CEP44: variants seen among roughly 807,000 people sequenced by gnomAD.
CEP44 encodes the protein centrosomal protein 44, also known as centrosomal protein of 44 kDa.
Under a neutral mutation model 46.7 loss-of-function variants are expected in CEP44, and 45 were observed. The ratio of observed to expected loss-of-function variants is 0.96; its 90% CI spans 0.76 to 1.24. CEP44 has a LOEUF of 1.24. Among genes scored for constraint, CEP44 ranks in the 50% most tolerant of loss-of-function variants. The pLI, the probability that CEP44 is intolerant of heterozygous loss-of-function variation, is 0.00. For missense variants in CEP44, 475 were observed against 459.7 expected, an observed-to-expected ratio of 1.03 and a Z score of -0.30; for synonymous variants, 142 against 146.0, an observed-to-expected ratio of 0.97 and a Z score of 0.20.
Position 174,287,518 on chromosome 4 carries a change from A to G in CEP44, c.-148+3575A>G, listed in dbSNP as rs1346138617. Among the ~76,000 whole-genome samples the G allele has an allele frequency of 2.6e-5, 4 of 152,202 alleles. No homozygotes were observed. Among genetic ancestry groups the G allele is most frequent in the Admixed American group, 1.3e-4 (2 of 15,276 alleles). On this transcript the variant is annotated intron_variant, in intron 1 of 11. Transcript: ENST00000503780. This position sits in a 1 kb window ranked among gnomAD's most constrained non-coding sequence, Gnocchi z 5.1. ...TGTTGAACAGCTTGAGATATCACCA[A>G]ACATCCTTATCCAGGTCCAGGAACT...
chr4:174,284,506 A>G (rs1737338549), intron 1 of CEP44, among the ~76,000 whole-genome samples: 1 of 152,148 alleles, frequency 6.6e-6, no homozygotes, highest in Non-Finnish European at 1.5e-5. Flanking sequence ...AGCTTTTCAA[A>G]TATTTCTCCA....
chr4:174,321,907 A>G (rs1742344690), downstream of CEP44, among the ~76,000 whole-genome samples: 1 of 152,158 alleles, frequency 6.6e-6, no homozygotes, highest in Admixed American at 6.6e-5. Flanking sequence ...GAGGAGAGGA[A>G]AACAGAAACC....
chr4:174,315,717 T>A (rs1442560173), intron 9 of CEP44, among the ~76,000 whole-genome samples: 2 of 151,786 alleles, frequency 1.3e-5, no homozygotes, highest in Non-Finnish European at 2.9e-5. Flanking sequence ...AGCTGGCGCC[T>A]GTAGTCCCAG....
Position 174,318,763 on chromosome 4 carries a change from A to G in CEP44, c.*1380A>G. 1.3e-6 allele frequency: 1 copy of G among 786,154 alleles called. No individual in the cohort carries two copies. Among genetic ancestry groups the G allele is most frequent in the Non-Finnish European group, 1.5e-6 (1 of 649,510 alleles). 48.7% of individuals were successfully genotyped at this position (786,154 alleles called of 1,614,324 possible). ...TTTTTTGTGTTTGTGAATTTGAAAC[A>G]GTGTAAGAAATCACTTTTAAGAAAA... On this transcript the variant is annotated 3_prime_UTR_variant, in exon 12 of 12. Coordinates refer to ENST00000503780, the MANE Select transcript of CEP44 (RefSeq NM_001040157.3).
rs1474994428 is a variant in CEP44, at chr4:174,326,520, C to G, written c.1087-4962C>G. On this transcript the variant is annotated intron_variant, in intron 8 of 8. Coordinates refer to the CEP44 transcript ENST00000426172. This position sits in a 1 kb window ranked among gnomAD's most constrained non-coding sequence, Gnocchi z 4.8. ...TATCATTACTTTTGCTATAAGCAAT[C>G]CATTATCTTTTTAAAAGGTTTAAAT... Among the ~76,000 whole-genome samples, 1 of 151,968 alleles carries G rather than the reference C, an allele frequency of 6.6e-6. No homozygotes were observed. Among genetic ancestry groups the G allele is most frequent in the Non-Finnish European group, 1.5e-5 (1 of 67,952 alleles).
chr4:174,312,538 A>G lies in CEP44; in HGVS notation c.961+1680A>G, dbSNP rs2126646487. On this transcript the variant is annotated intron_variant, in intron 9 of 11. Transcript: ENST00000503780. The surrounding 1 kb of genome is among the most constrained non-coding windows in gnomAD (Gnocchi z 4.5). ...AGGCTGGTCTTGAACTCCTGGGCTC[A>G]AGCAATCCTCCCATCTCTGCTTCTC... is the stretch of plus-strand genomic sequence containing the variant. Among the ~76,000 whole-genome samples the G allele has an allele frequency of 6.6e-6, 1 of 152,260 alleles. No homozygotes were observed. Among genetic ancestry groups the G allele is most frequent in the African/African-American group, 2.4e-5 (1 of 41,550 alleles).
In CEP44 at chr4:174,317,584, T is replaced by A. The variant is rs1741883752; in HGVS notation, c.*201T>A. ...AATGATTATACTGCTTTACCTTGTG[T>A]CACTTTTTTTTTTTTTAGGAAAAAC... On this transcript the variant is annotated 3_prime_UTR_variant, in exon 12 of 12. Coordinates refer to ENST00000503780, the MANE Select transcript of CEP44 (RefSeq NM_001040157.3). 7.9e-6 allele frequency: 9 copies of A among 1,138,732 alleles called. No homozygotes were observed. The South Asian group carries it at 3.9e-4, about 49-fold the overall frequency. 70.5% of individuals were successfully genotyped at this position (1,138,732 alleles called of 1,614,324 possible).
Position 174,314,824 on chromosome 4 carries a change from A to G in CEP44, c.962-1342A>G, listed in dbSNP as rs1741474662. ...GGGTTTAGGTAGTCTTCAGAATTAC[A>G]CCCTGTAATCTTGACCTCCAGGCTT... On this transcript the variant is annotated intron_variant, in intron 9 of 11. Coordinates refer to ENST00000503780, the MANE Select transcript of CEP44 (RefSeq NM_001040157.3). This position sits in a 1 kb window ranked among gnomAD's most constrained non-coding sequence, Gnocchi z 4.1. Among the ~76,000 whole-genome samples the G allele has an allele frequency of 6.6e-6, 1 of 152,214 alleles. No individual in the cohort carries two copies. Among genetic ancestry groups the G allele is most frequent in the Admixed American group, 6.5e-5 (1 of 15,278 alleles).
chr4:174,294,119 T>C (rs1340663501), intron 1 of CEP44, among the ~76,000 whole-genome samples: 1 of 150,026 alleles, frequency 6.7e-6, no homozygotes, highest in African/African-American at 2.5e-5. Context: ...CATAGGACAA[T>C]AGTGGAGGGA....
chr4:174,296,347 G>A (rs1030202162), intron 1 of CEP44, among the ~76,000 whole-genome samples: 9 of 152,086 alleles, frequency 5.9e-5, no homozygotes, highest in Middle Eastern at 3.2e-3. Context: ...CTTAAGAGGT[G>A]TTTTTGTATT....
intron 1 of CEP44, among the ~76,000 whole-genome samples, chr4:174,291,787 CTTT>C (rs56201469): frequency 1.1e-4 from 5 of 46,394 alleles, no homozygotes; most frequent in Non-Finnish European, 1.5e-4. Context: ...TTTTTCTTTT[CTTT>C]TTTTTTTTTT....
chr4:174,320,704 A>ATGTGTGTGTGTG (rs796604982), downstream of CEP44, among the ~76,000 whole-genome samples: 1 of 125,330 alleles, frequency 8.0e-6, no homozygotes, highest in Non-Finnish European at 1.8e-5. Context: ...GTGTGTGTGT[A>ATGTGTGTGTGTG]TGTGTGTGTG....
In CEP44 at chr4:174,290,779, T is replaced by C. The variant is rs557100528; in HGVS notation, c.-148+6836T>C. On this transcript the variant is annotated intron_variant, in intron 1 of 11. Coordinates refer to ENST00000503780, the MANE Select transcript of CEP44 (RefSeq NM_001040157.3). This position sits in a 1 kb window ranked among gnomAD's most constrained non-coding sequence, Gnocchi z 4.3. ...TCCTTCTATATTGTATCGATATCTA[T>C]TTCTTCCTTCAAATCTGTCAATGTT... 1.3e-5 allele frequency among the ~76,000 whole-genome samples: 2 copies of C among 152,342 alleles called. No individual in the cohort carries two copies. The highest frequency in any genetic ancestry group is 3.9e-4 in the East Asian group (2 of 5,192).
At position 174,331,513 on chromosome 4, in the gene CEP44, G is replaced by T. The variant is rs1560929306; in HGVS notation, c.1118G>T (p.Cys373Phe). ...CCTGCATGGAGTGCTACATCCTCTT[G>T]TTCCAGTCTCAGCTGGCTGCTCCGT... The change falls in exon 9 of 9, where the codon TGT becomes TTT. Residue 373 changes from cysteine (C) to phenylalanine (F), a missense_variant. Transcript: ENST00000426172. This position sits in a 1 kb window ranked among gnomAD's most constrained non-coding sequence, Gnocchi z 4.5. 3.9e-6 allele frequency: 6 copies of T among 1,551,546 alleles called. No individual in the cohort carries two copies. Among genetic ancestry groups the T allele is most frequent in the Non-Finnish European group, 5.2e-6 (6 of 1,146,928 alleles).
Position 174,318,803 on chromosome 4 carries a change from C to CTTT in CEP44, c.*1421_*1423dup. 1 of 697,046 alleles carries CTTT rather than the reference C, an allele frequency of 1.4e-6. No individual in the cohort carries two copies. Among genetic ancestry groups the CTTT allele is most frequent in the Non-Finnish European group, 1.8e-6 (1 of 570,492 alleles). The allele number at this position is 697,046 out of a possible 1,614,324, so 43.2% of individuals were successfully genotyped here. ...TTTTAAGAAAACATTTTTAGAATTCCTTTGTTTTTTTTTTTTTTCTTTTTG... is the reference window on the plus strand; with the variant it reads ...TTTTAAGAAAACATTTTTAGAATTCCTTTTTTGTTTTTTTTTTTTTTCTTTTTG... On this transcript the variant is annotated 3_prime_UTR_variant, in exon 12 of 12. Coordinates refer to ENST00000503780, the MANE Select transcript of CEP44 (RefSeq NM_001040157.3).
In CEP44 at chr4:174,301,562, A is replaced by G. The variant is rs1739714232; in HGVS notation, c.90-477A>G. ...TAAGTGAAAAGTAATAGACTGGTCA[A>G]CCAAGTCACAGTTCATGCTTTTTCC... On this transcript the variant is annotated intron_variant, in intron 3 of 11. Transcript: ENST00000503780. This position sits in a 1 kb window ranked among gnomAD's most constrained non-coding sequence, Gnocchi z 4.3. 6.6e-6 allele frequency among the ~76,000 whole-genome samples: 1 copy of G among 152,218 alleles called. No individual in the cohort carries two copies. The highest frequency in any genetic ancestry group is 2.4e-5 in the African/African-American group (1 of 41,472).
Position 174,319,894 on chromosome 4 carries a change from T to A in CEP44, c.*2511T>A, listed in dbSNP as rs1579165742. The A allele has an allele frequency of 1.0e-6, 1 of 985,192 alleles. No individual in the cohort carries two copies. 61.0% of individuals were successfully genotyped at this position (985,192 alleles called of 1,614,324 possible). ...TTTCTTGTTTAGGCAATTTGGTAAG[T>A]GGTTTCTAGTTATAAACTAGCCACT... On this transcript the variant is annotated 3_prime_UTR_variant, in exon 12 of 12. Coordinates refer to ENST00000503780, the MANE Select transcript of CEP44 (RefSeq NM_001040157.3).
At position 174,308,743 on chromosome 4, in the gene CEP44, G is replaced by A. The variant is rs1211543219; in HGVS notation, c.562G>A (p.Glu188Lys). 6.2e-7 allele frequency: 1 copy of A among 1,613,120 alleles called. No individual in the cohort carries two copies. Among genetic ancestry groups the A allele is most frequent in the Non-Finnish European group, 8.5e-7 (1 of 1,179,290 alleles). Residue 188 changes from glutamate to lysine, a missense_variant, in exon 7 of 12, where the codon GAG becomes AAG. Coordinates refer to ENST00000503780, the MANE Select transcript of CEP44 (RefSeq NM_001040157.3). The stretch of plus-strand genomic sequence containing the variant: ...TAATGAAGATAATGTTGACATTTCT[G>A]AGGATACATTAAGTCCAATAACAGA... ...LYNEDNVDIS[E>K]DTLSPITDVN...
chr4:174,327,622 A>G (rs992596808), intron 8 of CEP44, among the ~76,000 whole-genome samples: 1 of 152,122 alleles, frequency 6.6e-6, no homozygotes, highest in Non-Finnish European at 1.5e-5. Context: ...ATTGAAGAGT[A>G]CAGAGCCCCC....
Sources: gnomAD v4.1 joint callset for allele counts (sites outside exome capture counted in the v4.1 genomes callset) on GRCh38, gnomAD v4.1.1 for gene constraint, Gnocchi (gnomAD v3.1) non-coding constraint, MANE v1.5 for transcripts, NCBI Gene and HGNC (gene_info 2026-07-23, HGNC 2026-07-21) for gene names.